The following SCFD2 variants were observed in gnomAD, a reference collection of about 807,000 sequenced individuals.
SCFD2 encodes the protein sec1 family domain containing 2, also known as sec1 family domain-containing protein 2.
In SCFD2, 54 loss-of-function variants were observed where a neutral mutation model predicts 58.9. The observed-to-expected ratio is 0.92, with a 90% CI of 0.74 to 1.15. The LOEUF (loss-of-function observed/expected upper bound fraction) is 1.15, where lower values mean the gene tolerates loss of function less well. Ranked by LOEUF, SCFD2 falls within the 50% of genes most tolerant of loss-of-function variation. The pLI, the probability that SCFD2 is intolerant of heterozygous loss-of-function variation, is 0.00. For missense variants in SCFD2, 805 were observed against 836.6 expected, an observed-to-expected ratio of 0.96 and a Z score of 0.47; for synonymous variants, 321 against 335.9, an observed-to-expected ratio of 0.96 and a Z score of 0.49.
chr4:53,202,549 C>T (rs1000470980), intron 4 of SCFD2, among the ~76,000 whole-genome samples: 1 of 151,848 alleles, frequency 6.6e-6, no homozygotes, highest in African/African-American at 2.4e-5. Context: ...GTAGTTTTTT[C>T]CAATTCTGTG....
At chr4:53,141,806 G>C (rs1316638183) in intron 5 of SCFD2, among the ~76,000 whole-genome samples, 1 of 152,146 alleles carries the variant, frequency 6.6e-6, no homozygotes, top group Non-Finnish European at 1.5e-5. Flanking sequence ...CAGCAAGCCT[G>C]GAGTTCTGAT....
intron 5 of SCFD2, among the ~76,000 whole-genome samples, chr4:53,071,770 T>C (rs373126110): frequency 2.0e-5 from 3 of 152,178 alleles, no homozygotes; most frequent in African/African-American, 7.2e-5. Flanking sequence ...TTAAAAAACA[T>C]GTAAGAAAGG....
chr4:52,917,870 T>TTAGG (rs1719644540), intron 6 of SCFD2, among the ~76,000 whole-genome samples: 2 of 152,118 alleles, frequency 1.3e-5, no homozygotes, highest in African/African-American at 4.8e-5. Context: ...GGTTAATGGG[T>TTAGG]AAAGATTAAA....
intron 4 of SCFD2, among the ~76,000 whole-genome samples, chr4:53,181,690 C>G (rs1727562347): frequency 6.6e-6 from 1 of 152,202 alleles, no homozygotes; most frequent in East Asian, 1.9e-4. Flanking sequence ...AAAGGGTATT[C>G]AATTAGGAAA....
chr4:52,982,945 C>T (rs1721408889), intron 5 of SCFD2, among the ~76,000 whole-genome samples: 1 of 152,140 alleles, frequency 6.6e-6, no homozygotes, highest in Admixed American at 6.5e-5. Context: ...AATCCATTCT[C>T]ATGGATTTCC....
At chr4:53,220,487 T>C (rs1262837272) in intron 4 of SCFD2, among the ~76,000 whole-genome samples, 1 of 152,204 alleles carries the variant, frequency 6.6e-6, no homozygotes, top group Non-Finnish European at 1.5e-5. Context: ...TTTGTTGAAA[T>C]AACTAAGTAA....
At chr4:53,238,284 G>C (rs1192394676) in intron 4 of SCFD2, among the ~76,000 whole-genome samples, 1 of 29,836 alleles carries the variant, frequency 3.4e-5, no homozygotes, top group African/African-American at 1.3e-4. Flanking sequence ...CCTCCTGGAC[G>C]GGGCAGCTGG....
intron 4 of SCFD2, among the ~76,000 whole-genome samples, chr4:53,155,172 C>G (rs1174485160): frequency 2.0e-5 from 3 of 152,182 alleles, no homozygotes; most frequent in Non-Finnish European, 4.4e-5. Flanking sequence ...ACAACTCAGG[C>G]AGAGAATCTG....
intron 2 of SCFD2, among the ~76,000 whole-genome samples, chr4:53,337,447 G>A (rs550231936): frequency 2.0e-5 from 3 of 152,272 alleles, no homozygotes; most frequent in Non-Finnish European, 4.4e-5. Context: ...AGGATATTCA[G>A]TCCATAACAA....
intron 5 of SCFD2, among the ~76,000 whole-genome samples, chr4:53,058,028 C>T (rs565303975): frequency 3.9e-5 from 6 of 152,154 alleles, no homozygotes; most frequent in Admixed American, 2.6e-4. Flanking sequence ...CCTTCATCCT[C>T]GGCAACTTCC....
At position 53,058,684 on chromosome 4, in the gene SCFD2, T is replaced by C. The variant is rs530933898; in HGVS notation, c.1561+86649A>G. ...AAATTGCCCCTAACAATCTGCCCCT[T>C]AACTGAATCTTTTGGTTTCGATCTC... On this transcript the variant is annotated intron_variant, in intron 5 of 8. Coordinates refer to ENST00000401642, the MANE Select transcript of SCFD2 (RefSeq NM_152540.4). 6.8e-4 allele frequency among the ~76,000 whole-genome samples: 104 copies of C among 152,262 alleles called. No individual in the cohort carries two copies. The Middle Eastern group carries it at 0.014, about 20-fold the overall frequency.
At chr4:53,344,765 G>C (rs897805108) in intron 2 of SCFD2, among the ~76,000 whole-genome samples, 1 of 152,026 alleles carries the variant, frequency 6.6e-6, no homozygotes, top group African/African-American at 2.4e-5. Context: ...TAGACCAATG[G>C]AACAGAACAG....
At chr4:53,043,328 G>C (rs1188125788) in intron 5 of SCFD2, among the ~76,000 whole-genome samples, 1 of 152,130 alleles carries the variant, frequency 6.6e-6, no homozygotes, top group African/African-American at 2.4e-5. Flanking sequence ...CAAAATTAAA[G>C]CATCTGATTA....
intron 5 of SCFD2, among the ~76,000 whole-genome samples, chr4:53,141,505 A>C (rs188285362): frequency 3.3e-5 from 5 of 152,264 alleles, no homozygotes; most frequent in South Asian, 2.1e-4. Context: ...GATTTTGAGA[A>C]ATTTTGTCTT....
chr4:53,067,019 T>C (rs1423656101), intron 5 of SCFD2, among the ~76,000 whole-genome samples: 1 of 152,012 alleles, frequency 6.6e-6, no homozygotes, highest in Non-Finnish European at 1.5e-5. Flanking sequence ...TATGGAGAGA[T>C]GAAAGGCAGA....
intron 4 of SCFD2, among the ~76,000 whole-genome samples, chr4:53,173,000 T>A (rs1727223397): frequency 6.6e-6 from 1 of 152,178 alleles, no homozygotes; most frequent in Admixed American, 6.5e-5. Flanking sequence ...CCTTTAATAT[T>A]TAATATTTAC....
At position 53,164,735 on chromosome 4, in the gene SCFD2, G is replaced by A. The variant is rs1388772224; in HGVS notation, c.1312-19153C>T. 4.1e-5 allele frequency among the ~76,000 whole-genome samples: 6 copies of A among 146,498 alleles called. No individual in the cohort carries two copies. In the East Asian group the frequency reaches 1.2e-3, roughly 30 times the overall value. On this transcript the variant is annotated intron_variant, in intron 4 of 8. Coordinates refer to ENST00000401642, the MANE Select transcript of SCFD2 (RefSeq NM_152540.4). ...TGAACCTGGAGGTGGAGGTTGCAGT[G>A]AGCCGAGATCACGCCATTGCAGCCT... is the stretch of plus-strand genomic sequence containing the variant.
At chr4:53,255,890 G>T (rs1319389544) in intron 4 of SCFD2, among the ~76,000 whole-genome samples, 1 of 139,616 alleles carries the variant, frequency 7.2e-6, no homozygotes, top group East Asian at 2.0e-4. Flanking sequence ...CGGGCAGAGG[G>T]GCTCCTCACT....
At chr4:53,223,544 T>C (rs1729110479) in intron 4 of SCFD2, among the ~76,000 whole-genome samples, 1 of 152,268 alleles carries the variant, frequency 6.6e-6, no homozygotes, top group South Asian at 2.1e-4. Flanking sequence ...TCTTTGCATA[T>C]ACAGTTCCCA....
Sources: allele counts gnomAD v4.1 joint callset (sites outside exome capture counted in the v4.1 genomes callset), GRCh38; gene constraint gnomAD v4.1.1; transcripts MANE v1.5; gene names NCBI Gene and HGNC (gene_info 2026-07-23, HGNC 2026-07-21).